USP20: variants seen among roughly 807,000 people sequenced by gnomAD.
USP20 encodes ubiquitin carboxyl-terminal hydrolase 20.
A neutral mutation model predicts 124.2 loss-of-function variants in USP20; 80 were observed. That is an observed-to-expected ratio of 0.64 (90% CI 0.54 to 0.78). USP20 has a LOEUF of 0.78. Among genes scored for constraint, USP20 ranks in the 30% least tolerant of loss-of-function variants. The pLI is 0.00. For missense variants in USP20, 1,043 were observed against 1,244.4 expected (o/e 0.84, Z 2.44); for synonymous variants, 481 against 512.3 (o/e 0.94, Z 0.83).
At chr9:129,876,030 G>A (rs2131100087) in intron 21 of USP20, 100 bp from the exon 22 acceptor site, 2 of 1,079,340 alleles carry the variant, frequency 1.9e-6, no homozygotes. Flanking sequence ...CAGCGCTGAG[G>A]GGGCACTGAT....
chr9:129,865,493 G>C, intron 10 of USP20, 112 bp downstream of exon 10: 4 of 1,133,220 alleles, frequency 3.5e-6, no homozygotes, highest in Non-Finnish European at 5.2e-6. Flanking sequence ...CTGGTTGGCA[G>C]GTCTCACGGA....
rs2034623930 is a variant in USP20 at position 129,881,186 on chromosome 9, C to A, written c.*736C>A. Reference sequence around the variant, plus strand: ...ATCTTCATGGGAAATTTGCTGAGCCCCCACCAGGGAACCGGATGATGAAAC... The same window carrying A: ...ATCTTCATGGGAAATTTGCTGAGCCACCACCAGGGAACCGGATGATGAAAC... On this transcript the variant is annotated 3_prime_UTR_variant, in exon 26 of 26. Transcript: ENST00000372429. The A allele has an allele frequency of 6.6e-6, 1 of 152,242 alleles. No homozygotes were observed. The highest frequency in any genetic ancestry group is 2.1e-4 in the South Asian group (1 of 4,830). The allele number at this position is 152,242 out of a possible 1,614,324, so 9.4% of individuals were successfully genotyped here.
chr9:129,862,413 C>T (rs1203554096), intron 8 of USP20, among the ~76,000 whole-genome samples: 5 of 152,062 alleles, frequency 3.3e-5, no homozygotes, highest in Admixed American at 1.3e-4. Context: ...ACTAGCTGGA[C>T]GTGGTGGCAC....
chr9:129,843,614 G>A (rs1044095579), intron 1 of USP20, among the ~76,000 whole-genome samples: 3 of 151,894 alleles, frequency 2.0e-5, no homozygotes, highest in Non-Finnish European at 2.9e-5. Context: ...GTGTGTGCTT[G>A]TAATCCCAGC....
intron 3 of USP20, among the ~76,000 whole-genome samples, chr9:129,854,446 C>T (rs1287137868): frequency 1.3e-5 from 2 of 152,052 alleles, no homozygotes; most frequent in East Asian, 3.9e-4. Flanking sequence ...CTTGGGTGAC[C>T]CTCAAAGGCA....
chr9:129,855,433 AAC>A lies in USP20; in HGVS notation c.82-872_82-871del, dbSNP rs200717034. ...GTGACAGAGCGAGACTCCATCTCAA[AAC>A]AAAAAAAAAAAAGAAGTTTCTTTTC... On this transcript the variant is annotated intron_variant, in intron 3 of 25. Coordinates refer to ENST00000372429, the MANE Select transcript of USP20 (RefSeq NM_001110303.4). 8.3e-3 allele frequency among the ~76,000 whole-genome samples: 491 copies of A among 59,422 alleles called. 8 individuals carry two copies. The highest frequency in any genetic ancestry group is 0.019 in the East Asian group (17 of 910). The allele number at this position is 59,422 out of a possible 152,430, so 39.0% of individuals were successfully genotyped here. A position where few individuals can be genotyped will look rare whatever the true frequency, so the allele number is the denominator to read the frequency against.
At chr9:129,846,247 A>ATATATATATATATATATATTTTT (rs1554742656) in intron 1 of USP20, among the ~76,000 whole-genome samples, 1 of 32,684 alleles carries the variant, frequency 3.1e-5, no homozygotes, top group Non-Finnish European at 5.2e-5. Context: ...ATATATATAT[A>ATATATATATATATATATATTTTT]TTTTTTTTTT....
intron 6 of USP20, among the ~76,000 whole-genome samples, chr9:129,860,057 G>A (rs954857954): frequency 2.7e-4 from 41 of 151,742 alleles, no homozygotes; most frequent in Non-Finnish European, 7.4e-5. Flanking sequence ...TAGCCCAGGC[G>A]CGGTGGCTCA....
chr9:129,852,628 A>G lies in USP20; in HGVS notation c.73A>G (p.Lys25Glu). 2 of 1,590,656 alleles carry G rather than the reference A, an allele frequency of 1.3e-6. No homozygotes were observed. Among genetic ancestry groups the G allele is most frequent in the Non-Finnish European group, 1.7e-6 (2 of 1,167,332 alleles). The part of the protein sequence containing the change: ...GEVTKEDLLL[K>E]SKGTCQSCGV... The stretch of plus-strand genomic sequence containing the variant: ...GGTGACCAAAGAGGACTTGCTGCTC[A>G]AATCTAAGGTAAAGGGTCAGACCTT... Residue 25 changes from lysine (K) to glutamate (E), a missense_variant, in exon 3 of 26, where the codon AAA (lysine) becomes GAA (glutamate). By Grantham distance (56) the Lys-to-Glu change is moderately conservative. Coordinates refer to ENST00000372429, the MANE Select transcript of USP20 (RefSeq NM_001110303.4).
In USP20 at chr9:129,878,438, A is replaced by G. The variant is rs781353145; in HGVS notation, c.2510A>G (p.Asn837Ser). The change falls in exon 23 of 26, where the codon AAC becomes AGC. Residue 837 changes from asparagine to serine, a missense_variant and splice_region_variant. Asn to Ser is a conservative substitution (Grantham distance 46). Coordinates refer to ENST00000372429, the MANE Select transcript of USP20 (RefSeq NM_001110303.4). Reference sequence around the variant, plus strand: ...GAGGCGTTCGTCAAGGGGAAGGACAACGGTGAGCTGAGGGGGGACCTGGCA... The same window carrying G: ...GAGGCGTTCGTCAAGGGGAAGGACAGCGGTGAGCTGAGGGGGGACCTGGCA... ...EWEAFVKGKDNEPPGPIDNSR... is the reference protein window; with the variant it reads ...EWEAFVKGKDSEPPGPIDNSR... 7.5e-6 allele frequency: 12 copies of G among 1,604,740 alleles called. No individual in the cohort carries two copies. Among genetic ancestry groups the G allele is most frequent in the Non-Finnish European group, 1.0e-5 (12 of 1,174,758 alleles).
At chr9:129,843,425 G>A (rs72755266) in intron 1 of USP20, among the ~76,000 whole-genome samples, 21,637 of 150,340 alleles carry the variant, frequency 0.14, 1,997 homozygotes, top group African/African-American at 0.26. Flanking sequence ...CTAAGACTCT[G>A]TCTCAACCAC....
chr9:129,865,341 T>A lies in USP20; in HGVS notation c.650T>A (p.Ile217Asn), dbSNP rs2131077191. ...GTCCCCACCAGTCTGTCTCATGGGA[T>A]CAAGTTGGTCAACCCAATGTTCCGA... ...YVVPTSLSHGIKLVNPMFRGY... is the reference protein window; with the variant it reads ...YVVPTSLSHGNKLVNPMFRGY... The change falls in exon 10 of 26, where the codon ATC becomes AAC. Residue 217 changes from isoleucine to asparagine, a missense_variant. Coordinates refer to ENST00000372429, the MANE Select transcript of USP20 (RefSeq NM_001110303.4). 6.2e-7 allele frequency: 1 copy of A among 1,614,164 alleles called. No homozygotes were observed. The highest frequency in any genetic ancestry group is 8.5e-7 in the Non-Finnish European group (1 of 1,180,012).
At chr9:129,864,846 T>C (rs2033748006) in intron 9 of USP20, among the ~76,000 whole-genome samples, 1 of 151,512 alleles carries the variant, frequency 6.6e-6, no homozygotes, top group African/African-American at 2.4e-5. Context: ...TTTAAATGTG[T>C]ATCTGTATGT....
At position 129,858,189 on chromosome 9, in the gene USP20, C is replaced by G. The variant is rs1434489284; in HGVS notation, c.198+77C>G. ...CAAACCCCAGCTCCACCTTCCCACT[C>G]TGGGCCTAAATGGCTGGGGCAATAA... On this transcript the variant is annotated intron_variant, in intron 5 of 25. Coordinates refer to ENST00000372429, the MANE Select transcript of USP20 (RefSeq NM_001110303.4). 1.0e-5 allele frequency: 15 copies of G among 1,466,800 alleles called. No individual in the cohort carries two copies. The East Asian group carries it at 3.4e-4, about 33-fold the overall frequency. 90.9% of individuals were successfully genotyped at this position (1,466,800 alleles called of 1,614,324 possible).
chr9:129,860,906 C>T (rs781091719), intron 6 of USP20, 31 bp from the exon 7 acceptor site: 1 of 1,608,838 alleles, frequency 6.2e-7, no homozygotes, highest in Middle Eastern at 1.7e-4. Context: ...CCTCTGTTCA[C>T]TGTTTTCCTC....
chr9:129,837,004 CCCT>C (rs2031891437), intron 1 of USP20, among the ~76,000 whole-genome samples: 1 of 152,186 alleles, frequency 6.6e-6, no homozygotes, highest in Non-Finnish European at 1.5e-5. Context: ...CATTTCTGGA[CCCT>C]CCTCCTCAGC....
At position 129,869,173 on chromosome 9, in the gene USP20, C is replaced by T. The variant is rs2033988136; in HGVS notation, c.1277-137C>T. 5 of 1,314,116 alleles carry T rather than the reference C, an allele frequency of 3.8e-6. No homozygotes were observed. In the South Asian group the frequency reaches 5.3e-5, roughly 14 times the overall value. 81.4% of individuals were successfully genotyped at this position (1,314,116 alleles called of 1,614,324 possible). ...CGTTTTGCAGAGGATGACACAGAGG[C>T]ATGAGATGGTGAATTGCTTACCCAG... On this transcript the variant is annotated intron_variant, in intron 12 of 25. Transcript: ENST00000372429.
At position 129,875,362 on chromosome 9, in the gene USP20, G is replaced by T. The variant is rs537303607; in HGVS notation, c.2101G>T (p.Ala701Ser). The T allele has an allele frequency of 3.7e-6, 6 of 1,612,766 alleles. No individual in the cohort carries two copies. The Admixed American group carries it at 8.3e-5, about 22-fold the overall frequency. The change falls in exon 20 of 26, where the codon GCC becomes TCC. Residue 701 changes from alanine (A) to serine (S), a missense_variant. By Grantham distance (99) the Ala-to-Ser change is moderately conservative. Transcript: ENST00000372429. ...GCGACAGCAGGTGGTGTCCCTGGCCGCCATGCGGGAGCCCAGCCTGCTGCG... is the reference window on the plus strand; with the variant it reads ...GCGACAGCAGGTGGTGTCCCTGGCCTCCATGCGGGAGCCCAGCCTGCTGCG... ...RERQQVVSLA[A>S]MREPSLLRFY...
chr9:129,858,555 T>C lies in USP20; in HGVS notation c.287T>C (p.Leu96Pro). The change falls in exon 6 of 26, where the codon CTG becomes CCG. Residue 96 changes from leucine (L) to proline (P), a missense_variant. Transcript: ENST00000372429. The stretch of plus-strand genomic sequence containing the variant: ...AAGGAGGTATTCCTGGAGCAGCGGC[T>C]GGCAGCCCCTCTGCTGGGCTCCTCT... ...CEKEVFLEQR[L>P]AAPLLGSSSK... is the part of the protein sequence containing the mutation. 1 of 1,614,202 alleles carries C rather than the reference T, an allele frequency of 6.2e-7. No homozygotes were observed. The highest frequency in any genetic ancestry group is 8.5e-7 in the Non-Finnish European group (1 of 1,180,026).
Sources: allele counts gnomAD v4.1 joint callset (sites outside exome capture counted in the v4.1 genomes callset), GRCh38; gene constraint gnomAD v4.1.1; transcripts MANE v1.5; gene names NCBI Gene and HGNC (gene_info 2026-07-23, HGNC 2026-07-21).